Variants in ZNF708 observed in about 807,000 individuals in gnomAD.
The protein encoded by ZNF708 is ZNF15, ZNF15L1.
A neutral mutation model predicts 47.0 loss-of-function variants in ZNF708; 44 were observed. The ratio of observed to expected loss-of-function variants is 0.94; its 90% CI spans 0.74 to 1.20. ZNF708 has a LOEUF of 1.20. ZNF708 is among the 50% of genes most tolerant of loss of function. The pLI is 0.00. For synonymous variants in ZNF708, 184 were observed against 218.5 expected (o/e 0.84, Z 1.39); for missense variants, 557 against 656.0 (o/e 0.85, Z 1.65).
chr19:21,324,160 T>C (rs1781863), intron 1 of ZNF708, among the ~76,000 whole-genome samples: 112,217 of 151,800 alleles, frequency 0.74, 41,616 homozygotes, highest in African/African-American at 0.8. Flanking sequence ...AGGAGAATGG[T>C]GTGAACCCGG....
intron 1 of ZNF708, among the ~76,000 whole-genome samples, chr19:21,324,568 A>G (rs1973219897): frequency 6.6e-6 from 1 of 152,198 alleles, no homozygotes; most frequent in East Asian, 1.9e-4. Flanking sequence ...ATTCCATTTC[A>G]AAAAATAAAA....
chr19:21,314,931 T>C (rs1455643620), intron 1 of ZNF708, among the ~76,000 whole-genome samples: 1 of 152,130 alleles, frequency 6.6e-6, no homozygotes, highest in East Asian at 1.9e-4. Flanking sequence ...GATGGTCCAA[T>C]AATAAGCCAG....
chr19:21,302,388 C>T lies in ZNF708; in HGVS notation c.226+6858G>A, dbSNP rs374254434. Among the ~76,000 whole-genome samples the T allele has an allele frequency of 5.3e-5, 8 of 152,066 alleles. No individual in the cohort carries two copies. In the South Asian group the frequency reaches 6.2e-4, roughly 12 times the overall value. On this transcript the variant is annotated intron_variant, in intron 3 of 3. Transcript: ENST00000356929. ...CTTTTGTATTAAATTGAAGTTGTTA[C>T]GAGATTAAAATATATCATTTTAGTT...
Position 21,293,653 on chromosome 19 carries a change from T to A in ZNF708, c.1313A>T (p.His438Leu). 1 of 1,612,454 alleles carries A rather than the reference T, an allele frequency of 6.2e-7. No individual in the cohort carries two copies. Among genetic ancestry groups the A allele is most frequent in the South Asian group, 1.1e-5 (1 of 90,958 alleles). ...AFSIFSILTKHKVIHTEDKPY... is the reference protein window; with the variant it reads ...AFSIFSILTKLKVIHTEDKPY... ...TTTGTCTTCAGTATGAATTACTTTA[T>A]GTTTAGTAAGGATTGAGAATATACT... Residue 438 changes from histidine (H) to leucine (L), a missense_variant, in exon 4 of 4, where the codon CAT (histidine) becomes CTT (leucine). Transcript: ENST00000356929.
chr19:21,293,449 C>T lies in ZNF708; in HGVS notation c.1517G>A (p.Cys506Tyr), dbSNP rs149714173. 1.1e-4 allele frequency: 178 copies of T among 1,613,550 alleles called. No individual in the cohort carries two copies. In the African/African-American group the frequency reaches 1.7e-3, roughly 15 times the overall value. Residue 506 changes from cysteine to tyrosine, a missense_variant, in exon 4 of 4, where the codon TGT (cysteine) becomes TAT (tyrosine). Physicochemically the swap from Cys to Tyr is radical, Grantham distance 194. Transcript: ENST00000356929. ...IIHTGEKPYK[C>Y]KECGKAFNQS... The stretch of plus-strand genomic sequence containing the variant: ...GTTAAAAGCTTTGCCACATTCTTTA[C>T]ATTTGTAGGGTTTCTCTCCAGTATG...
chr19:21,307,718 CA>C (rs1189942493), intron 3 of ZNF708, among the ~76,000 whole-genome samples: 1 of 152,036 alleles, frequency 6.6e-6, no homozygotes, highest in Non-Finnish European at 1.5e-5. Flanking sequence ...ACACCAATGC[CA>C]AACTATATTG....
chr19:21,316,057 G>GA (rs1441024433), intron 1 of ZNF708, among the ~76,000 whole-genome samples: 14 of 350 alleles, frequency 0.04, no homozygotes, highest in Admixed American at 0.19. Context: ...CAACAAGAGT[G>GA]AAACCTGTCT....
intron 1 of ZNF708, among the ~76,000 whole-genome samples, chr19:21,319,625 T>C (rs1452346168): frequency 6.6e-6 from 1 of 151,992 alleles, no homozygotes; most frequent in African/African-American, 2.4e-5. Flanking sequence ...TAATTTTGTA[T>C]TTTTAGTAGA....
intron 3 of ZNF708, among the ~76,000 whole-genome samples, chr19:21,301,993 G>A (rs567261828): frequency 5.9e-5 from 9 of 152,130 alleles, no homozygotes; most frequent in Non-Finnish European, 1.2e-4. Flanking sequence ...AGGCACTGTG[G>A]TTCGGGCCTA....
chr19:21,302,204 TAC>T (rs1365458392), intron 3 of ZNF708, among the ~76,000 whole-genome samples: 1 of 152,162 alleles, frequency 6.6e-6, no homozygotes, highest in Non-Finnish European at 1.5e-5. Context: ...AATGTAAATA[TAC>T]AGACACATAT....
intron 1 of ZNF708, among the ~76,000 whole-genome samples, chr19:21,325,111 G>A (rs886650563): frequency 1.3e-5 from 2 of 152,116 alleles, no homozygotes; most frequent in African/African-American, 2.4e-5. Flanking sequence ...TCATGGATAA[G>A]TAGAATCAAT....
chr19:21,316,273 C>T (rs1006655844), intron 1 of ZNF708, among the ~76,000 whole-genome samples: 22 of 150,950 alleles, frequency 1.5e-4, no homozygotes, highest in Non-Finnish European at 2.8e-4. Flanking sequence ...TACAGGCATG[C>T]GCCACCACGC....
At chr19:21,317,044 C>T (rs1472320534) in intron 1 of ZNF708, among the ~76,000 whole-genome samples, 3 of 152,072 alleles carry the variant, frequency 2.0e-5, no homozygotes, top group Middle Eastern at 3.4e-3. Flanking sequence ...GCCTGGGCCT[C>T]CCGAAGTGCT....
At chr19:21,295,516 C>T (rs866217554) in intron 3 of ZNF708, among the ~76,000 whole-genome samples, 1 of 152,018 alleles carries the variant, frequency 6.6e-6, no homozygotes, top group African/African-American at 2.4e-5. Flanking sequence ...GAGGCCAAGG[C>T]GGGTGAATCA....
At chr19:21,310,476 T>TAAA in intron 2 of ZNF708, 25 bp downstream of exon 2, 24 of 1,021,334 alleles carry the variant, frequency 2.3e-5, no homozygotes, top group East Asian at 8.3e-5. Flanking sequence ...TAATAAAAAT[T>TAAA]AAAAAAAAAA....
At chr19:21,314,516 T>C (rs1972965250) in intron 1 of ZNF708, among the ~76,000 whole-genome samples, 1 of 152,330 alleles carries the variant, frequency 6.6e-6, no homozygotes, top group African/African-American at 2.4e-5. Flanking sequence ...CTCACAATTT[T>C]TTCACACATC....
intron 1 of ZNF708, among the ~76,000 whole-genome samples, chr19:21,320,601 G>A: frequency 6.6e-6 from 1 of 151,918 alleles, no homozygotes. Context: ...GCTGAGGTAG[G>A]AGGACTGCTC....
At chr19:21,295,861 A>C (rs1337364353) in intron 3 of ZNF708, among the ~76,000 whole-genome samples, 2 of 152,220 alleles carry the variant, frequency 1.3e-5, no homozygotes, top group Non-Finnish European at 2.9e-5. Context: ...CTAAACTTTC[A>C]GAAAGCAACC....
At position 21,327,993 on chromosome 19, in the gene ZNF708, G is replaced by A. The variant is rs73537891; in HGVS notation, c.3+1217C>T. The A allele has an allele frequency of 4.0e-3, 4,020 of 1,006,234 alleles. 112 individuals carry two copies. The African/African-American group carries it at 0.051, about 13-fold the overall frequency. 62.3% of individuals were successfully genotyped at this position (1,006,234 alleles called of 1,614,324 possible). A position where few individuals can be genotyped will look rare whatever the true frequency, so the allele number is the denominator to read the frequency against. ...GTCCTCAGGGAGAAAAATGACCCAG[G>A]AGCTGATATTCACTAGACACTCTAG... On this transcript the variant is annotated intron_variant, in intron 1 of 3. Coordinates refer to ENST00000356929, the MANE Select transcript of ZNF708 (RefSeq NM_021269.3).
Sources: allele counts gnomAD v4.1 joint callset (sites outside exome capture counted in the v4.1 genomes callset), GRCh38; gene constraint gnomAD v4.1.1; transcripts MANE v1.5; gene names NCBI Gene and HGNC (gene_info 2026-07-23, HGNC 2026-07-21).